Variants in NCOR1 observed in about 807,000 individuals in gnomAD.
The protein encoded by NCOR1 is protein phosphatase 1, regulatory subunit 109.
In NCOR1, 63 loss-of-function variants were observed where a neutral mutation model predicts 288.1. The observed-to-expected ratio is 0.22, with a 90% CI of 0.18 to 0.27. NCOR1 has a LOEUF of 0.27. Ranked by LOEUF, NCOR1 falls within the 10% of genes least tolerant of loss-of-function variation. The pLI, the probability that NCOR1 is intolerant of heterozygous loss-of-function variation, is 1.00. For missense variants in NCOR1, 2,397 were observed against 3,019.2 expected (o/e 0.79, Z 4.83); for synonymous variants, 1,007 against 1,065.9 (o/e 0.94, Z 1.08).
In NCOR1 at chr17:16,143,455, A is replaced by C. The variant is rs547909685; in HGVS notation, c.1173+151T>G. ...TGATCGTGTGACTGCCTCGTTTAAA[A>C]ACCCTTTAACAGACACTCAAATCTT... On this transcript the variant is annotated intron_variant, in intron 11 of 45. Transcript: ENST00000268712. 6 of 597,600 alleles carry C rather than the reference A, an allele frequency of 1.0e-5. No homozygotes were observed. The East Asian group carries it at 1.8e-4, about 18-fold the overall frequency. 37.0% of individuals were successfully genotyped at this position (597,600 alleles called of 1,614,324 possible). A position where few individuals can be genotyped will look rare whatever the true frequency, so the allele number is the denominator to read the frequency against.
intron 1 of NCOR1, among the ~76,000 whole-genome samples, chr17:16,207,980 A>G (rs1364040239): frequency 1.3e-5 from 2 of 150,662 alleles, no homozygotes; most frequent in African/African-American, 2.4e-5. Context: ...TATTCTTTCA[A>G]AGGGAGTCCT....
chr17:16,211,527 C>T (rs2092128423), intron 1 of NCOR1, among the ~76,000 whole-genome samples: 1 of 152,092 alleles, frequency 6.6e-6, no homozygotes, highest in Non-Finnish European at 1.5e-5. Context: ...GCCACTGTGC[C>T]CTGCCATTAA....
intron 25 of NCOR1, 100 bp downstream of exon 25, chr17:16,080,308 T>C: frequency 4.8e-6 from 5 of 1,045,356 alleles, no homozygotes; most frequent in Non-Finnish European, 6.8e-6. Flanking sequence ...ATTTAAAGAC[T>C]ATAGTTAAAA....
At chr17:16,072,628 G>A (rs531260467) in intron 28 of NCOR1, among the ~76,000 whole-genome samples, 3 of 152,274 alleles carry the variant, frequency 2.0e-5, no homozygotes, top group South Asian at 2.1e-4. Flanking sequence ...AATGAAACAT[G>A]CAAATTGAAA....
chr17:16,035,681 A>G (rs550989441), intron 44 of NCOR1, among the ~76,000 whole-genome samples: 101 of 152,072 alleles, frequency 6.6e-4, no homozygotes, highest in Non-Finnish European at 1.3e-3. Context: ...AGCTGGGACC[A>G]CAGGTACACA....
chr17:16,121,773 A>G (rs748462789), intron 15 of NCOR1, among the ~76,000 whole-genome samples: 2 of 152,262 alleles, frequency 1.3e-5, no homozygotes, highest in African/African-American at 4.8e-5. Flanking sequence ...TTATAAAATC[A>G]GACTCAATAC....
At chr17:16,176,784 T>C (rs142635286) in intron 3 of NCOR1, among the ~76,000 whole-genome samples, 15 of 152,198 alleles carry the variant, frequency 9.9e-5, no homozygotes, top group Middle Eastern at 3.4e-3. Flanking sequence ...ATTTATTTTG[T>C]TTCCTGAATT....
rs2064247703 is a variant in NCOR1, at chr17:16,086,484, C to T, written c.3017-42G>A. On this transcript the variant is annotated intron_variant, in intron 22 of 45. Coordinates refer to ENST00000268712, the MANE Select transcript of NCOR1 (RefSeq NM_006311.4). The stretch of plus-strand genomic sequence containing the variant: ...AAAATGATTTTAAACTAGTCCATTT[C>T]CTAGTTTACAACATGTTACCTCTCT... 4 of 1,556,192 alleles carry T rather than the reference C, an allele frequency of 2.6e-6. No homozygotes were observed. In the South Asian group the frequency reaches 4.6e-5, roughly 18 times the overall value.
chr17:16,064,016 C>T, intron 35 of NCOR1, 52 bp downstream of exon 35: 1 of 1,602,674 alleles, frequency 6.2e-7, no homozygotes, highest in Non-Finnish European at 8.5e-7. Flanking sequence ...GCACAGTGTA[C>T]AAGATTACTA....
intron 19 of NCOR1, among the ~76,000 whole-genome samples, chr17:16,106,693 C>T (rs2068702853): frequency 6.6e-6 from 1 of 151,556 alleles, no homozygotes; most frequent in Non-Finnish European, 1.5e-5. Flanking sequence ...TCACAGGTCA[C>T]ATGAGCTGCA....
chr17:16,048,309 TGC>T (rs2058909697), intron 41 of NCOR1, among the ~76,000 whole-genome samples: 1 of 152,120 alleles, frequency 6.6e-6, no homozygotes, highest in African/African-American at 2.4e-5. Context: ...CACCTGGTCA[TGC>T]CAGGAACTCA....
intron 2 of NCOR1, among the ~76,000 whole-genome samples, chr17:16,194,240 T>C (rs1414096499): frequency 3.3e-5 from 5 of 151,758 alleles, no homozygotes; most frequent in Admixed American, 1.3e-4. Flanking sequence ...ACTCCTATCA[T>C]GAAAAGCAAA....
rs1216404284 is a variant in NCOR1, at chr17:16,061,796, G to A, written c.5486C>T (p.Ala1829Val). ...GGACACATCCATCTGGGGTGCAGAA[G>A]CTGCAGCATCCACAAGAGCAGCCAG... ...DALAALVDAAASAPQMDVSKT... is the reference protein window; with the variant it reads ...DALAALVDAAVSAPQMDVSKT... Residue 1829 changes from alanine (A) to valine (V), a missense_variant, in exon 37 of 46, where the codon GCT becomes GTT. Physicochemically the swap from Ala to Val is moderately conservative, Grantham distance 64. Transcript: ENST00000268712. 6.2e-7 allele frequency: 1 copy of A among 1,614,108 alleles called. No individual in the cohort carries two copies. Among genetic ancestry groups the A allele is most frequent in the East Asian group, 2.2e-5 (1 of 44,904 alleles).
At chr17:16,127,883 A>T (rs1568212532) in intron 14 of NCOR1, among the ~76,000 whole-genome samples, 1 of 151,638 alleles carries the variant, frequency 6.6e-6, no homozygotes, top group Non-Finnish European at 1.5e-5. Context: ...ACAACATCTC[A>T]CTCTGTCACC....
chr17:16,094,651 C>A (rs1383836717), intron 21 of NCOR1, among the ~76,000 whole-genome samples: 1 of 152,162 alleles, frequency 6.6e-6, no homozygotes, highest in Non-Finnish European at 1.5e-5. Context: ...TCTCGGCTCA[C>A]TGCAACCTCC....
At chr17:16,065,735 G>A in intron 32 of NCOR1, 41 bp from the exon 33 acceptor site, 1 of 1,572,178 alleles carries the variant, frequency 6.4e-7, no homozygotes. Context: ...GTTTTGTCCT[G>A]GCTGAAATAC....
At chr17:16,172,151 T>C in intron 3 of NCOR1, 156 bp from the exon 4 acceptor site, 1 of 531,308 alleles carries the variant, frequency 1.9e-6, no homozygotes. Flanking sequence ...CCAAAGAATA[T>C]ATACCTCACT....
intron 6 of NCOR1, among the ~76,000 whole-genome samples, chr17:16,157,331 A>G (rs1321546208): frequency 3.3e-5 from 5 of 152,174 alleles, no homozygotes; most frequent in African/African-American, 1.2e-4. Flanking sequence ...AGCCAAGAAA[A>G]TAATATTAAT....
chr17:16,037,024 CAGACTT>C (rs2056531308), intron 44 of NCOR1, among the ~76,000 whole-genome samples: 1 of 152,216 alleles, frequency 6.6e-6, no homozygotes, highest in African/African-American at 2.4e-5. Context: ...TTTCAAGTGA[CAGACTT>C]AGTGATTCTT....
Sources: gnomAD v4.1 joint callset for allele counts (sites outside exome capture counted in the v4.1 genomes callset) on GRCh38, gnomAD v4.1.1 for gene constraint, MANE v1.5 for transcripts, NCBI Gene and HGNC (gene_info 2026-07-23, HGNC 2026-07-21) for gene names.